DPY19L1: variants seen among roughly 807,000 people sequenced by gnomAD.
DPY19L1 encodes protein C-mannosyl-transferase DPY19L1.
In DPY19L1, 35 loss-of-function variants were observed where a neutral mutation model predicts 96.9. That is an observed-to-expected ratio of 0.36 (90% CI 0.28 to 0.48). DPY19L1 has a LOEUF of 0.48. Among genes scored for constraint, DPY19L1 ranks in the 20% least tolerant of loss-of-function variants. DPY19L1 has a pLI of 0.99. For synonymous variants in DPY19L1, 205 were observed against 252.6 expected (o/e 0.81, Z 1.79); for missense variants, 521 against 777.9 (o/e 0.67, Z 3.93).
At chr7:35,034,411 A>T (rs1786336613) in intron 1 of DPY19L1, among the ~76,000 whole-genome samples, 1 of 152,230 alleles carries the variant, frequency 6.6e-6, no homozygotes, top group African/African-American at 2.4e-5. Context: ...AAGTTTGGGA[A>T]ACATTGTCAA....
intron 6 of DPY19L1, among the ~76,000 whole-genome samples, chr7:35,008,780 CT>C (rs1785629934): frequency 1.3e-5 from 2 of 152,156 alleles, no homozygotes; most frequent in Non-Finnish European, 2.9e-5. Flanking sequence ...TTTAACTTCT[CT>C]TATGTAAAAT....
intron 9 of DPY19L1, among the ~76,000 whole-genome samples, chr7:34,968,326 T>C (rs1784653222): frequency 6.6e-6 from 1 of 152,140 alleles, no homozygotes; most frequent in Non-Finnish European, 1.5e-5. Flanking sequence ...CACAACCCAA[T>C]AAAGTAGGTT....
intron 5 of DPY19L1, 74 bp from the exon 6 acceptor site, chr7:35,010,635 A>C: frequency 1.0e-6 from 1 of 986,886 alleles, no homozygotes; most frequent in Non-Finnish European, 1.6e-6. Context: ...AATTTATATT[A>C]AATTGTGTTC....
intron 6 of DPY19L1, among the ~76,000 whole-genome samples, chr7:35,003,366 C>A (rs782736897): frequency 2.0e-5 from 3 of 152,182 alleles, no homozygotes; most frequent in African/African-American, 7.2e-5. Context: ...CAGTCCAGAA[C>A]CAAGTACTGA....
chr7:35,035,960 A>G (rs1786387310), intron 1 of DPY19L1, among the ~76,000 whole-genome samples: 1 of 152,074 alleles, frequency 6.6e-6, no homozygotes, highest in Non-Finnish European at 1.5e-5. Flanking sequence ...ACAAACAAAC[A>G]AAGAAAAACA....
chr7:34,937,409 A>C (rs1229452979), intron 21 of DPY19L1, among the ~76,000 whole-genome samples: 1 of 152,202 alleles, frequency 6.6e-6, no homozygotes, highest in Non-Finnish European at 1.5e-5. Flanking sequence ...CTTCACCAAA[A>C]GAGACTCCCC....
intron 6 of DPY19L1, among the ~76,000 whole-genome samples, chr7:34,999,014 A>C (rs571078718): frequency 6.6e-6 from 1 of 152,336 alleles, no homozygotes; most frequent in Admixed American, 6.5e-5. Flanking sequence ...CCAATCACTA[A>C]CTTTCAAGAA....
At chr7:34,978,890 C>A (rs977823509) in intron 7 of DPY19L1, among the ~76,000 whole-genome samples, 1 of 152,086 alleles carries the variant, frequency 6.6e-6, no homozygotes, top group African/African-American at 2.4e-5. Context: ...GTATTTCAGA[C>A]TGCAGATTTT....
At chr7:35,012,233 A>T (rs1785729841) in intron 4 of DPY19L1, among the ~76,000 whole-genome samples, 1 of 152,240 alleles carries the variant, frequency 6.6e-6, no homozygotes, top group South Asian at 2.1e-4. Context: ...ACAACTCTGC[A>T]AAGCCATCCC....
At chr7:34,931,790 G>A (rs1783758359) in intron 21 of DPY19L1, 61 bp from the exon 22 acceptor site, 2 of 1,512,336 alleles carry the variant, frequency 1.3e-6, no homozygotes, top group South Asian at 1.4e-5. Flanking sequence ...AGAGAAAGCA[G>A]AGCACTTCTT....
intron 21 of DPY19L1, among the ~76,000 whole-genome samples, chr7:34,935,313 A>G (rs1367944196): frequency 6.6e-6 from 1 of 152,030 alleles, no homozygotes; most frequent in African/African-American, 2.4e-5. Context: ...TGAGTTTCCC[A>G]AGGTTTCCCC....
At chr7:34,999,646 G>C (rs1388705358) in intron 6 of DPY19L1, among the ~76,000 whole-genome samples, 1 of 152,174 alleles carries the variant, frequency 6.6e-6, no homozygotes, top group Non-Finnish European at 1.5e-5. Context: ...CTCCAGGAGG[G>C]AGGCCCCAGG....
intron 8 of DPY19L1, among the ~76,000 whole-genome samples, chr7:34,971,715 A>G (rs112834257): frequency 2.0e-5 from 3 of 152,232 alleles, no homozygotes; most frequent in African/African-American, 7.2e-5. Context: ...TAAAGAAAAC[A>G]TAAAAAGCTT....
At chr7:34,955,203 G>A (rs1784352252) in intron 12 of DPY19L1, 105 bp downstream of exon 12, 1 of 1,386,096 alleles carries the variant, frequency 7.2e-7, no homozygotes, top group Non-Finnish European at 9.9e-7. Context: ...TAAAACTGTT[G>A]GATCCCCTGA....
rs4000110 is a variant in DPY19L1, at chr7:34,954,653, C to A, written c.1320+45G>T. ...TAACTCAATTTATTCTTAGCCTATT[C>A]GATTCTTTTCAAGTCTTTCAAATTT... On this transcript the variant is annotated intron_variant, in intron 13 of 21. Transcript: ENST00000638088. 16 of 1,149,444 alleles carry A rather than the reference C, an allele frequency of 1.4e-5. No individual in the cohort carries two copies. In the East Asian group the frequency reaches 2.5e-4, roughly 18 times the overall value. The allele number at this position is 1,149,444 out of a possible 1,614,324, so 71.2% of individuals were successfully genotyped here.
At chr7:34,984,356 G>A (rs1219325514) in intron 7 of DPY19L1, among the ~76,000 whole-genome samples, 2 of 152,140 alleles carry the variant, frequency 1.3e-5, no homozygotes, top group Non-Finnish European at 2.9e-5. Flanking sequence ...ACAAAGCATA[G>A]GAAACAGCAT....
intron 6 of DPY19L1, among the ~76,000 whole-genome samples, chr7:34,998,201 C>G (rs62463560): frequency 0.024 from 3,579 of 152,276 alleles, 59 homozygotes; most frequent in Non-Finnish European, 0.037. Flanking sequence ...GAAGAAAAGG[C>G]ATTTTCTGCT....
intron 15 of DPY19L1, among the ~76,000 whole-genome samples, chr7:34,947,056 C>T (rs574823975): frequency 1.3e-5 from 2 of 152,176 alleles, no homozygotes; most frequent in Non-Finnish European, 2.9e-5. Context: ...TCTCTTAAGA[C>T]ACATTTGGTT....
chr7:34,944,567 T>C (rs575940688), intron 16 of DPY19L1, among the ~76,000 whole-genome samples: 1 of 152,066 alleles, frequency 6.6e-6, no homozygotes, highest in Admixed American at 6.5e-5. Context: ...TAAAAATCTC[T>C]AAATTTTAAA....
Sources: gnomAD v4.1 joint callset for allele counts (sites outside exome capture counted in the v4.1 genomes callset) on GRCh38, gnomAD v4.1.1 for gene constraint, MANE v1.5 for transcripts, NCBI Gene and HGNC (gene_info 2026-07-23, HGNC 2026-07-21) for gene names.